Variants in TFB1M observed in about 807,000 individuals in gnomAD.
TFB1M encodes the protein transcription factor B1, mitochondrial, also known as dimethyladenosine transferase 1, mitochondrial.
A neutral mutation model predicts 31.1 loss-of-function variants in TFB1M; 27 were observed. The ratio of observed to expected loss-of-function variants is 0.87; its 90% CI spans 0.64 to 1.20. The LOEUF (loss-of-function observed/expected upper bound fraction) is 1.20. Among genes scored for constraint, TFB1M ranks in the 50% most tolerant of loss-of-function variants. The pLI, the probability that TFB1M is intolerant of heterozygous loss-of-function variation, is 0.00. For missense variants in TFB1M, 394 were observed against 418.7 expected (o/e 0.94, Z 0.51); for synonymous variants, 166 against 151.8 (o/e 1.09, Z -0.69).
chr6:155,236,582 G>C, the TFB1M span, among the ~76,000 whole-genome samples: 2 of 152,180 alleles, frequency 1.3e-5, no homozygotes, highest in Non-Finnish European at 2.9e-5. Flanking sequence ...AGAATTGCTT[G>C]CACCCGGGAG....
downstream of TFB1M, chr6:155,253,023 G>A (rs780645800): frequency 6.8e-6 from 11 of 1,613,992 alleles, no homozygotes; most frequent in Admixed American, 1.7e-5. Flanking sequence ...CCCCATCTCC[G>A]CGCTTCAAGT....
At chr6:155,281,575 A>G (rs2114728880) in intron 5 of TFB1M, among the ~76,000 whole-genome samples, 1 of 152,142 alleles carries the variant, frequency 6.6e-6, no homozygotes, top group South Asian at 2.1e-4. Context: ...TACAAAACTT[A>G]GCGGGGCATG....
At chr6:155,268,166 C>T (rs1441392153) in intron 5 of TFB1M, among the ~76,000 whole-genome samples, 1 of 152,158 alleles carries the variant, frequency 6.6e-6, no homozygotes, top group African/African-American at 2.4e-5. Flanking sequence ...CATTTAATCG[C>T]TCCCATTACC....
At chr6:155,231,423 C>T in the TFB1M span, among the ~76,000 whole-genome samples, 1 of 152,196 alleles carries the variant, frequency 6.6e-6, no homozygotes, top group Non-Finnish European at 1.5e-5. Flanking sequence ...CATACAATTT[C>T]CCTGGAGTAT....
At chr6:155,309,673 G>A (rs1777936018) in intron 2 of TFB1M, among the ~76,000 whole-genome samples, 1 of 152,090 alleles carries the variant, frequency 6.6e-6, no homozygotes, top group African/African-American at 2.4e-5. Context: ...CTTTTTAAGA[G>A]CAAAAAAGTC....
intron 2 of TFB1M, among the ~76,000 whole-genome samples, chr6:155,310,223 T>C (rs1198209826): frequency 1.3e-5 from 2 of 152,218 alleles, no homozygotes; most frequent in African/African-American, 4.8e-5. Flanking sequence ...CATTATTCTA[T>C]TATAGTCACA....
chr6:155,261,407 T>TA (rs1289957365), intron 5 of TFB1M, among the ~76,000 whole-genome samples: 1 of 152,014 alleles, frequency 6.6e-6, no homozygotes, highest in Non-Finnish European at 1.5e-5. Context: ...TGAAATCCCA[T>TA]AGAGGTTGTC....
chr6:155,302,768 T>C (rs554709163), intron 2 of TFB1M, among the ~76,000 whole-genome samples: 1 of 152,330 alleles, frequency 6.6e-6, no homozygotes, highest in African/African-American at 2.4e-5. Context: ...AGATTTGTAT[T>C]AGTCCGTTCT....
chr6:155,273,031 C>T (rs1262582766), intron 5 of TFB1M, among the ~76,000 whole-genome samples: 1 of 152,164 alleles, frequency 6.6e-6, no homozygotes. Context: ...AGAAAATGTT[C>T]CAGCAACCCC....
chr6:155,280,794 C>G (rs12198973), intron 5 of TFB1M, among the ~76,000 whole-genome samples: 19,510 of 152,224 alleles, frequency 0.13, 1,540 homozygotes, highest in Non-Finnish European at 0.19. Flanking sequence ...ATCCACCCAC[C>G]AAACTCAAGA....
the TFB1M span, among the ~76,000 whole-genome samples, chr6:155,243,363 G>A: frequency 1.2e-4 from 19 of 152,274 alleles, no homozygotes; most frequent in Admixed American, 1.2e-3. Flanking sequence ...CCACCCAGAC[G>A]CCCTTCCTCT....
chr6:155,289,064 G>GT (rs5881129), intron 4 of TFB1M, among the ~76,000 whole-genome samples: 33,355 of 150,060 alleles, frequency 0.22, 3,725 homozygotes, highest in East Asian at 0.35. Flanking sequence ...AAGGACAGTG[G>GT]TTTTTTTTTT....
chr6:155,283,422 C>T (rs324354), intron 5 of TFB1M, among the ~76,000 whole-genome samples: 87,228 of 152,062 alleles, frequency 0.57, 25,833 homozygotes, highest in East Asian at 0.84. Flanking sequence ...TTTGCCAAAA[C>T]GTAAACATCC....
chr6:155,287,358 G>A (rs1432714520), intron 4 of TFB1M, among the ~76,000 whole-genome samples: 1 of 151,998 alleles, frequency 6.6e-6, no homozygotes, highest in Non-Finnish European at 1.5e-5. Context: ...ATGGTATTAT[G>A]TGTAATGTCA....
Position 155,296,952 on chromosome 6 carries a change from C to A in TFB1M, c.546+1G>T. On this transcript the variant is annotated splice_donor_variant, in intron 4 of 6. Coordinates refer to ENST00000367166, the MANE Select transcript of TFB1M (RefSeq NM_016020.4). LOFTEE classifies it high-confidence loss of function. ...AATAGTCACAAAATGTTAAAACTTACCTCTGCCACTTCCTTTTGAAAAGTC... is the reference window on the plus strand; with the variant it reads ...AATAGTCACAAAATGTTAAAACTTAACTCTGCCACTTCCTTTTGAAAAGTC... 6.2e-7 allele frequency: 1 copy of A among 1,613,642 alleles called. No individual in the cohort carries two copies. Among genetic ancestry groups the A allele is most frequent in the Non-Finnish European group, 8.5e-7 (1 of 1,179,704 alleles).
chr6:155,287,346 T>C (rs1268606281), intron 4 of TFB1M, among the ~76,000 whole-genome samples: 1 of 152,156 alleles, frequency 6.6e-6, no homozygotes, highest in Non-Finnish European at 1.5e-5. Context: ...AAAATGTTCA[T>C]TATGGTATTA....
Position 155,256,318 on chromosome 6 carries a change from TG to T in TFB1M, c.*1517del, listed in dbSNP as rs1392531463. The stretch of plus-strand genomic sequence containing the variant: ...TGTAAACCTAAGTCAAAAATGTCCA[TG>T]TTTTCAGTAGCTACATTTTTGCCTA... On this transcript the variant is annotated 3_prime_UTR_variant, in exon 7 of 7. Transcript: ENST00000367166. 1 of 1,002,254 alleles carries T rather than the reference TG, an allele frequency of 1.0e-6. No individual in the cohort carries two copies. The highest frequency in any genetic ancestry group is 1.4e-6 in the Non-Finnish European group (1 of 695,074). The allele number at this position is 1,002,254 out of a possible 1,614,324, so 62.1% of individuals were successfully genotyped here. A position where few individuals can be genotyped will look rare whatever the true frequency, so the allele number is the denominator to read the frequency against.
rs533234360 is a variant in TFB1M, at chr6:155,307,084, G to T, written c.285+4104C>A. Among the ~76,000 whole-genome samples the T allele has an allele frequency of 2.0e-5, 3 of 152,050 alleles. 1 individual carries two copies. Among genetic ancestry groups the T allele is most frequent in the African/African-American group, 7.2e-5 (3 of 41,460 alleles). ...TGCAGTGAGCTGTTGAGTTGTGCTT[G>T]TGTCACTGCACTCCAGCCTGGGTGA... On this transcript the variant is annotated intron_variant, in intron 2 of 6. Transcript: ENST00000367166.
chr6:155,234,888 C>T, the TFB1M span, among the ~76,000 whole-genome samples: 2 of 152,246 alleles, frequency 1.3e-5, no homozygotes, highest in African/African-American at 4.8e-5. Flanking sequence ...GCAGAGGCAG[C>T]AGGAGGCGTG....
Sources: allele counts gnomAD v4.1 joint callset (sites outside exome capture counted in the v4.1 genomes callset), GRCh38; gene constraint gnomAD v4.1.1; transcripts MANE v1.5; gene names NCBI Gene and HGNC (gene_info 2026-07-23, HGNC 2026-07-21).